The following RCOR1 variants were observed in gnomAD, a reference collection of about 807,000 sequenced individuals.
The protein encoded by RCOR1 is REST corepressor 1.
A neutral mutation model predicts 64.0 loss-of-function variants in RCOR1; 12 were observed. That is an observed-to-expected ratio of 0.19 (90% CI 0.12 to 0.30). The LOEUF (loss-of-function observed/expected upper bound fraction) is 0.30. Among genes scored for constraint, RCOR1 ranks in the 10% least tolerant of loss-of-function variants. The pLI, the probability that RCOR1 is intolerant of heterozygous loss-of-function variation, is 1.00. For synonymous variants in RCOR1, 279 were observed against 227.2 expected, an observed-to-expected ratio of 1.23 and a Z score of -2.05; for missense variants, 502 against 621.2, an observed-to-expected ratio of 0.81 and a Z score of 2.04.
intron 2 of RCOR1, among the ~76,000 whole-genome samples, chr14:102,595,423 A>T (rs1342310118): frequency 2.0e-5 from 3 of 152,056 alleles, no homozygotes; most frequent in Non-Finnish European, 4.4e-5. Flanking sequence ...GATCTCTGGG[A>T]AGTCAAGGCT....
chr14:102,609,474 CTG>C (rs1452066020), intron 2 of RCOR1, among the ~76,000 whole-genome samples: 2 of 152,026 alleles, frequency 1.3e-5, no homozygotes, highest in Admixed American at 6.6e-5. Flanking sequence ...GAGTCTCACT[CTG>C]TTGTCCAGGC....
intron 2 of RCOR1, chr14:102,662,678 C>A: frequency 2.3e-6 from 1 of 443,634 alleles, no homozygotes; most frequent in South Asian, 1.8e-5. Context: ...TGAGGAGGGG[C>A]AGGAGCTTCC....
At chr14:102,645,941 T>C (rs929746941) in intron 2 of RCOR1, among the ~76,000 whole-genome samples, 1 of 152,214 alleles carries the variant, frequency 6.6e-6, no homozygotes, top group Non-Finnish European at 1.5e-5. Context: ...ACTGCCCACA[T>C]AGCTTTGTGT....
chr14:102,679,714 A>G (rs534544762), intron 2 of RCOR1, among the ~76,000 whole-genome samples: 3 of 152,140 alleles, frequency 2.0e-5, no homozygotes, highest in South Asian at 2.1e-4. Context: ...CCCTGACTTC[A>G]TGATCCTCCT....
In RCOR1 at chr14:102,619,151, C is replaced by T. The variant is rs143364795; in HGVS notation, c.361+25826C>T. ...CTTTATATTTTTTGAGACGGAGTTT[C>T]GCTCTTGTTGCCCAGGCTGGAGTGC... is the stretch of plus-strand genomic sequence containing the variant. On this transcript the variant is annotated intron_variant, in intron 2 of 11. Transcript: ENST00000262241. Among the ~76,000 whole-genome samples the T allele has an allele frequency of 4.2e-3, 629 of 151,276 alleles. 3 individuals are homozygous for T. Among genetic ancestry groups the T allele is most frequent in the African/African-American group, 0.014 (590 of 41,000 alleles).
chr14:102,676,469 G>A (rs1895159349), intron 2 of RCOR1, among the ~76,000 whole-genome samples: 1 of 94,520 alleles, frequency 1.1e-5, no homozygotes. Flanking sequence ...GCGGGGGGCT[G>A]ACCCCCCCAC....
chr14:102,684,205 ACCTGT>A (rs1895367154), intron 3 of RCOR1, among the ~76,000 whole-genome samples: 2 of 152,148 alleles, frequency 1.3e-5, no homozygotes, highest in African/African-American at 4.8e-5. Flanking sequence ...CGTGGAAATG[ACCTGT>A]CAGTGTCAGG....
At chr14:102,685,027 CTG>C (rs1174342661) in intron 3 of RCOR1, among the ~76,000 whole-genome samples, 1 of 150,620 alleles carries the variant, frequency 6.6e-6, no homozygotes, top group Non-Finnish European at 1.5e-5. Flanking sequence ...TACTAAAAAA[CTG>C]TGTATAGGAT....
intron 2 of RCOR1, among the ~76,000 whole-genome samples, chr14:102,655,813 T>C (rs11850123): frequency 0.37 from 55,946 of 151,656 alleles, 11,267 homozygotes; most frequent in African/African-American, 0.53. Context: ...ATTAGCCGGG[T>C]GTGGTCACAG....
At chr14:102,723,164 C>CT (rs1313671087) in intron 11 of RCOR1, among the ~76,000 whole-genome samples, 1 of 152,236 alleles carries the variant, frequency 6.6e-6, no homozygotes, top group Admixed American at 6.5e-5. Context: ...TGTTCACAGG[C>CT]ATGGTAATTT....
intron 2 of RCOR1, among the ~76,000 whole-genome samples, chr14:102,663,856 T>C (rs1031153295): frequency 1.3e-5 from 2 of 152,206 alleles, no homozygotes; most frequent in African/African-American, 4.8e-5. Flanking sequence ...ATTGATAACA[T>C]GGAAGAAAAG....
At chr14:102,648,163 C>G (rs1894513932) in intron 2 of RCOR1, among the ~76,000 whole-genome samples, 1 of 152,128 alleles carries the variant, frequency 6.6e-6, no homozygotes, top group Non-Finnish European at 1.5e-5. Context: ...ACTGCAACCC[C>G]CGCCTCCCGG....
intron 2 of RCOR1, among the ~76,000 whole-genome samples, chr14:102,629,517 T>G (rs1894061490): frequency 6.6e-6 from 1 of 152,062 alleles, no homozygotes; most frequent in Non-Finnish European, 1.5e-5. Flanking sequence ...TTCTGTTTAT[T>G]TAAAAATACG....
At chr14:102,686,901 C>T (rs1377812382) in intron 3 of RCOR1, among the ~76,000 whole-genome samples, 1 of 152,154 alleles carries the variant, frequency 6.6e-6, no homozygotes, top group Non-Finnish European at 1.5e-5. Flanking sequence ...TTTTTTACAT[C>T]GTTGTTTCAA....
At chr14:102,685,088 T>G (rs1002635269) in intron 3 of RCOR1, among the ~76,000 whole-genome samples, 1 of 151,938 alleles carries the variant, frequency 6.6e-6, no homozygotes, top group African/African-American at 2.4e-5. Flanking sequence ...GTTTTTTTTT[T>G]CCTCTTCTTT....
At chr14:102,647,060 A>G (rs913783120) in intron 2 of RCOR1, among the ~76,000 whole-genome samples, 1 of 152,272 alleles carries the variant, frequency 6.6e-6, no homozygotes, top group African/African-American at 2.4e-5. Context: ...AAATCAACAC[A>G]TTAAAAATGT....
intron 2 of RCOR1, among the ~76,000 whole-genome samples, chr14:102,664,043 A>G (rs1020134232): frequency 1.1e-4 from 17 of 152,216 alleles, no homozygotes; most frequent in African/African-American, 4.1e-4. Context: ...TGGGGGAATC[A>G]GAAAAGGGAC....
intron 4 of RCOR1, among the ~76,000 whole-genome samples, chr14:102,704,542 C>T (rs1204141544): frequency 6.6e-6 from 1 of 152,230 alleles, no homozygotes; most frequent in Non-Finnish European, 1.5e-5. Flanking sequence ...AACAATTCTC[C>T]TGCCTCAGCC....
At chr14:102,685,686 G>A (rs1229884077) in intron 3 of RCOR1, among the ~76,000 whole-genome samples, 1 of 152,126 alleles carries the variant, frequency 6.6e-6, no homozygotes, top group African/African-American at 2.4e-5. Context: ...AGAGGGCTGA[G>A]TGCGGTGTCT....
Sources: allele counts gnomAD v4.1 joint callset (sites outside exome capture counted in the v4.1 genomes callset), GRCh38; gene constraint gnomAD v4.1.1; transcripts MANE v1.5; gene names NCBI Gene and HGNC (gene_info 2026-07-23, HGNC 2026-07-21).